NFYC: variants seen among roughly 807,000 people sequenced by gnomAD.
The protein encoded by NFYC is CAAT box DNA-binding protein subunit C.
NFYC carries 25 observed loss-of-function variants against 53.1 expected under a neutral mutation model. That is an observed-to-expected ratio of 0.47 (90% CI 0.34 to 0.66). The LOEUF (loss-of-function observed/expected upper bound fraction) is 0.66, where lower values mean the gene tolerates loss of function less well. Ranked by LOEUF, NFYC falls within the 30% of genes least tolerant of loss-of-function variation. NFYC has a pLI of 0.01. For missense variants in NFYC, 260 were observed against 422.7 expected (o/e 0.62, Z 3.38); for synonymous variants, 145 against 152.6 (o/e 0.95, Z 0.37).
At chr1:40,766,531 A>G (rs1188129313) in intron 7 of NFYC, 65 bp from the exon 8 acceptor site, 3 of 1,226,334 alleles carry the variant, frequency 2.4e-6, no homozygotes, top group Admixed American at 2.1e-5. Context: ...CTGGTCATGG[A>G]AAGTTTGCCT....
Position 40,691,771 on chromosome 1 carries a change from A to G in NFYC, c.-105A>G. 4.4e-6 allele frequency: 2 copies of G among 454,562 alleles called. No individual in the cohort carries two copies. The highest frequency in any genetic ancestry group is 1.6e-5 in the South Asian group (1 of 64,314). 28.2% of individuals were successfully genotyped at this position (454,562 alleles called of 1,614,324 possible). A position where few individuals can be genotyped will look rare whatever the true frequency, so the allele number is the denominator to read the frequency against. ...GCGCGCTCCGTTCTCCGTGACGCAC[A>G]CTTCCCCCTCCCCTCCGCCGCGCCT... On this transcript the variant is annotated 5_prime_UTR_variant, in exon 1 of 10. Coordinates refer to ENST00000447388, the MANE Select transcript of NFYC (RefSeq NM_014223.5).
chr1:40,737,241 G>A (rs1473462192), intron 1 of NFYC, among the ~76,000 whole-genome samples: 1 of 151,724 alleles, frequency 6.6e-6, no homozygotes, highest in Non-Finnish European at 1.5e-5. Flanking sequence ...TAGCTGACAT[G>A]AGGATCCTTA....
At chr1:40,768,110 A>C (rs1041926520) in intron 8 of NFYC, among the ~76,000 whole-genome samples, 1 of 152,242 alleles carries the variant, frequency 6.6e-6, no homozygotes, top group Non-Finnish European at 1.5e-5. Flanking sequence ...AATTATGACA[A>C]CCTAATACTT....
At chr1:40,767,918 G>C (rs952211212) in intron 8 of NFYC, among the ~76,000 whole-genome samples, 2 of 152,196 alleles carry the variant, frequency 1.3e-5, no homozygotes, top group Non-Finnish European at 2.9e-5. Context: ...GGAGGTTGCA[G>C]TGAGCTGAGA....
chr1:40,722,121 A>C (rs1644350993), intron 1 of NFYC, among the ~76,000 whole-genome samples: 1 of 152,114 alleles, frequency 6.6e-6, no homozygotes, highest in African/African-American at 2.4e-5. Flanking sequence ...CAGTGAGCCA[A>C]GATCATGCTA....
At chr1:40,748,683 C>T (rs909064920) in intron 3 of NFYC, among the ~76,000 whole-genome samples, 1 of 152,182 alleles carries the variant, frequency 6.6e-6, no homozygotes, top group African/African-American at 2.4e-5. Context: ...TTACAGATCT[C>T]AGAGAAAGAG....
intron 2 of NFYC, among the ~76,000 whole-genome samples, chr1:40,746,424 AT>A (rs1557860191): frequency 6.6e-6 from 1 of 152,204 alleles, no homozygotes; most frequent in Non-Finnish European, 1.5e-5. Flanking sequence ...TTTGACATAT[AT>A]TTGAGATTTT....
At chr1:40,754,424 A>T (rs1217267713) in intron 5 of NFYC, 1 of 533,994 alleles carries the variant, frequency 1.9e-6, no homozygotes. Context: ...TTTCAGTCGG[A>T]TGTTTACAGC....
chr1:40,756,214 T>A (rs1646211065), intron 5 of NFYC, among the ~76,000 whole-genome samples: 1 of 152,222 alleles, frequency 6.6e-6, no homozygotes, highest in Non-Finnish European at 1.5e-5. Flanking sequence ...GCAAAAGGTA[T>A]CAGTATTTTA....
At chr1:40,710,656 C>A (rs1210138572) in intron 1 of NFYC, among the ~76,000 whole-genome samples, 1 of 152,116 alleles carries the variant, frequency 6.6e-6, no homozygotes, top group East Asian at 1.9e-4. Flanking sequence ...TCTCTGGGTA[C>A]GGAAAAGGAG....
chr1:40,736,094 T>C (rs1016614841), intron 1 of NFYC, among the ~76,000 whole-genome samples: 17 of 152,276 alleles, frequency 1.1e-4, no homozygotes, highest in African/African-American at 3.6e-4. Flanking sequence ...TCCAAGATCA[T>C]ATTGTATCCC....
At chr1:40,743,355 C>T (rs1162205164) in intron 2 of NFYC, among the ~76,000 whole-genome samples, 1 of 152,242 alleles carries the variant, frequency 6.6e-6, no homozygotes, top group Non-Finnish European at 1.5e-5. Flanking sequence ...TATTCCCGCA[C>T]AGCAGAGCTC....
At chr1:40,742,057 C>T (rs1645375937) in intron 2 of NFYC, among the ~76,000 whole-genome samples, 1 of 151,886 alleles carries the variant, frequency 6.6e-6, no homozygotes, top group Non-Finnish European at 1.5e-5. Flanking sequence ...TTGTGCACCA[C>T]CACACCTGGC....
intron 2 of NFYC, among the ~76,000 whole-genome samples, chr1:40,746,289 C>G (rs1453508884): frequency 6.6e-6 from 1 of 152,036 alleles, no homozygotes; most frequent in Non-Finnish European, 1.5e-5. Context: ...AGCCAAGCAG[C>G]TTGTTGGGTT....
chr1:40,759,902 A>G (rs1441479819), intron 6 of NFYC, among the ~76,000 whole-genome samples: 1 of 152,146 alleles, frequency 6.6e-6, no homozygotes, highest in African/African-American at 2.4e-5. Context: ...CGTATATTCT[A>G]ATAAGGAGCT....
intron 2 of NFYC, among the ~76,000 whole-genome samples, chr1:40,740,974 T>C (rs1428435679): frequency 1.3e-5 from 2 of 152,086 alleles, no homozygotes; most frequent in Non-Finnish European, 2.9e-5. Context: ...TTTCGCCCCT[T>C]ATCCATTTTT....
chr1:40,756,512 C>A (rs928195060), intron 5 of NFYC, among the ~76,000 whole-genome samples: 10 of 152,180 alleles, frequency 6.6e-5, no homozygotes, highest in Middle Eastern at 3.4e-3. Context: ...ATGCAGAGAC[C>A]CATGTTTCTC....
intron 5 of NFYC, chr1:40,754,220 G>A (rs1402030027): frequency 1.9e-6 from 1 of 521,790 alleles, no homozygotes; most frequent in Non-Finnish European, 3.9e-6. Context: ...TAACCAGTCA[G>A]AGAAAGTCTA....
chr1:40,752,426 T>C (rs1235292499), intron 4 of NFYC, among the ~76,000 whole-genome samples: 1 of 152,144 alleles, frequency 6.6e-6, no homozygotes, highest in Non-Finnish European at 1.5e-5. Context: ...TCTTTTAATT[T>C]TATTATTCAA....
Sources: gnomAD v4.1 joint callset for allele counts (sites outside exome capture counted in the v4.1 genomes callset) on GRCh38, gnomAD v4.1.1 for gene constraint, MANE v1.5 for transcripts, NCBI Gene and HGNC (gene_info 2026-07-23, HGNC 2026-07-21) for gene names.